EXOC4: variants seen among roughly 807,000 people sequenced by gnomAD.
EXOC4 encodes the protein exocyst complex component 4, also known as SEC8-like 1.
EXOC4 carries 71 observed loss-of-function variants against 107.2 expected under a neutral mutation model. The observed-to-expected ratio is 0.66, with a 90% CI of 0.55 to 0.81. The LOEUF (loss-of-function observed/expected upper bound fraction) is 0.81. EXOC4 is among the 30% of genes least tolerant of loss of function. EXOC4 has a pLI of 0.00. For synonymous variants in EXOC4, 456 were observed against 441.2 expected, an observed-to-expected ratio of 1.03 and a Z score of -0.42; for missense variants, 1,108 against 1,189.6, an observed-to-expected ratio of 0.93 and a Z score of 1.01.
intron 10 of EXOC4, among the ~76,000 whole-genome samples, chr7:133,702,320 G>C (rs1185454280): frequency 8.1e-5 from 1 of 12,348 alleles, no homozygotes; most frequent in African/African-American, 2.9e-4. Flanking sequence ...AACGATGCTG[G>C]TTTGTTCATT....
At chr7:133,718,405 C>T (rs1795040603) in intron 10 of EXOC4, among the ~76,000 whole-genome samples, 1 of 152,134 alleles carries the variant, frequency 6.6e-6, no homozygotes, top group African/African-American at 2.4e-5. Flanking sequence ...TGCCTTTAGA[C>T]TGATGTGAAT....
At chr7:133,545,264 C>G (rs771990915) in intron 9 of EXOC4, among the ~76,000 whole-genome samples, 30 of 152,122 alleles carry the variant, frequency 2.0e-4, no homozygotes, top group South Asian at 2.1e-4. Context: ...GGGAATCATA[C>G]TAGCTCCTCC....
intron 11 of EXOC4, among the ~76,000 whole-genome samples, chr7:133,855,473 T>C (rs1798355703): frequency 6.6e-6 from 1 of 152,042 alleles, no homozygotes; most frequent in South Asian, 2.1e-4. Flanking sequence ...TCTAAAGATA[T>C]CAGCACATTT....
At chr7:133,497,482 G>A (rs117595813) in intron 9 of EXOC4, among the ~76,000 whole-genome samples, 8,871 of 150,230 alleles carry the variant, frequency 0.059, 390 homozygotes, top group Non-Finnish European at 0.085. Flanking sequence ...GCTGGAGTGC[G>A]GTGGCATGAT....
At chr7:133,305,290 T>A (rs1339671097) in intron 3 of EXOC4, among the ~76,000 whole-genome samples, 2 of 152,206 alleles carry the variant, frequency 1.3e-5, no homozygotes, top group Non-Finnish European at 2.9e-5. Context: ...TCCCGTTTCT[T>A]CTATCAAACT....
chr7:133,985,475 A>T (rs756415044), intron 14 of EXOC4, among the ~76,000 whole-genome samples: 4 of 152,228 alleles, frequency 2.6e-5, no homozygotes, highest in African/African-American at 4.8e-5. Flanking sequence ...GAAGCTGCTT[A>T]AACAACCTGC....
rs1038103794 is a variant in EXOC4, at chr7:133,683,100, C to A, written c.1514+52959C>A. ...TATGACTCTTTTGAATGTCATCTCTCCTCCTGGTCTTTTACCCCTCTCTTT... is the reference window on the plus strand; with the variant it reads ...TATGACTCTTTTGAATGTCATCTCTACTCCTGGTCTTTTACCCCTCTCTTT... On this transcript the variant is annotated intron_variant, in intron 10 of 17. Coordinates refer to ENST00000253861, the MANE Select transcript of EXOC4 (RefSeq NM_021807.4). Among the ~76,000 whole-genome samples the A allele has an allele frequency of 3.3e-5, 5 of 152,186 alleles. No homozygotes were observed. In the East Asian group the frequency reaches 9.6e-4, roughly 29 times the overall value.
At chr7:133,689,740 A>C (rs2151076121) in intron 10 of EXOC4, among the ~76,000 whole-genome samples, 1 of 152,352 alleles carries the variant, frequency 6.6e-6, no homozygotes, top group East Asian at 1.9e-4. Context: ...ACAGAACCCA[A>C]GGTCAGGGAC....
At chr7:133,918,063 A>G (rs1272556054) in intron 13 of EXOC4, among the ~76,000 whole-genome samples, 2 of 151,734 alleles carry the variant, frequency 1.3e-5, no homozygotes, top group Non-Finnish European at 2.9e-5. Flanking sequence ...GCTCACTGCA[A>G]ACTCCACCTC....
intron 10 of EXOC4, among the ~76,000 whole-genome samples, chr7:133,815,366 C>T (rs1797342441): frequency 7.2e-6 from 1 of 139,048 alleles, no homozygotes. Context: ...CGGAGTAAGA[C>T]TGCTTCAAAA....
chr7:133,947,822 A>G (rs1479007304), intron 14 of EXOC4, among the ~76,000 whole-genome samples: 2 of 152,218 alleles, frequency 1.3e-5, no homozygotes, highest in African/African-American at 2.4e-5. Context: ...TTAAAATATG[A>G]TAATATCATG....
At chr7:133,875,638 A>T (rs1798832764) in intron 11 of EXOC4, among the ~76,000 whole-genome samples, 1 of 152,140 alleles carries the variant, frequency 6.6e-6, no homozygotes, top group South Asian at 2.1e-4. Context: ...ACACCATCCT[A>T]TCCACTTGCT....
chr7:133,829,557 C>T (rs1358025208), intron 11 of EXOC4, among the ~76,000 whole-genome samples: 3 of 152,182 alleles, frequency 2.0e-5, no homozygotes, highest in Admixed American at 6.5e-5. Flanking sequence ...TAGCATTTGT[C>T]ATCAGTCTTT....
At chr7:133,867,143 T>C (rs1404070240) in intron 11 of EXOC4, among the ~76,000 whole-genome samples, 1 of 152,240 alleles carries the variant, frequency 6.6e-6, no homozygotes, top group Admixed American at 6.5e-5. Flanking sequence ...CAGTGGGCTC[T>C]GCAGCCAGAT....
At chr7:133,988,344 G>A (rs1794165176) in intron 14 of EXOC4, among the ~76,000 whole-genome samples, 1 of 152,162 alleles carries the variant, frequency 6.6e-6, no homozygotes, top group South Asian at 2.1e-4. Context: ...GAGAAAGTTA[G>A]AGTTGTAAAT....
At chr7:134,024,930 G>A (rs1297789988) in intron 17 of EXOC4, among the ~76,000 whole-genome samples, 1 of 152,190 alleles carries the variant, frequency 6.6e-6, no homozygotes, top group African/African-American at 2.4e-5. Flanking sequence ...CTGGTGTTCT[G>A]TGTTTAGCAG....
intron 1 of EXOC4, among the ~76,000 whole-genome samples, chr7:133,269,827 T>G (rs1793822282): frequency 6.6e-6 from 1 of 152,282 alleles, no homozygotes; most frequent in East Asian, 1.9e-4. Context: ...AGAGGCAGGT[T>G]AGTGAAGCCA....
intron 9 of EXOC4, among the ~76,000 whole-genome samples, chr7:133,562,432 G>C (rs922562486): frequency 2.6e-5 from 4 of 152,024 alleles, no homozygotes; most frequent in Admixed American, 2.6e-4. Context: ...TTTTGCTTCC[G>C]GTTAGTGTGG....
At chr7:133,643,469 C>T (rs10235846) in intron 10 of EXOC4, among the ~76,000 whole-genome samples, 4 of 152,050 alleles carry the variant, frequency 2.6e-5, no homozygotes, top group South Asian at 2.1e-4. Context: ...ACGCACAATC[C>T]GTACTTTGTA....
Sources: gnomAD v4.1 joint callset for allele counts (sites outside exome capture counted in the v4.1 genomes callset) on GRCh38, gnomAD v4.1.1 for gene constraint, MANE v1.5 for transcripts, NCBI Gene and HGNC (gene_info 2026-07-23, HGNC 2026-07-21) for gene names.